MAFK: variants seen among roughly 807,000 people sequenced by gnomAD.
MAFK encodes the protein MAF bZIP transcription factor K.
A neutral mutation model predicts 9.2 loss-of-function variants in MAFK; 1 was observed. The ratio of observed to expected loss-of-function variants is 0.11; its 90% CI spans 0.04 to 0.52. The LOEUF (loss-of-function observed/expected upper bound fraction) is 0.52. Ranked by LOEUF, MAFK falls within the 20% of genes least tolerant of loss-of-function variation. The pLI, the probability that MAFK is intolerant of heterozygous loss-of-function variation, is 0.94. For missense variants in MAFK, 207 were observed against 236.0 expected (o/e 0.88, Z 0.81); for synonymous variants, 110 against 107.4 (o/e 1.02, Z -0.15).
chr7:1,533,871 C>T (rs765043367), intron 1 of MAFK, among the ~76,000 whole-genome samples: 6 of 151,986 alleles, frequency 3.9e-5, no homozygotes, highest in African/African-American at 1.4e-4. Context: ...CCAGGGCGGC[C>T]GGGGGAGAAC....
chr7:1,534,510 C>A lies in MAFK; in HGVS notation c.-45+3612C>A. The A allele has an allele frequency of 2.2e-6, 1 of 449,454 alleles. No homozygotes were observed. Among genetic ancestry groups the A allele is most frequent in the Non-Finnish European group, 4.5e-6 (1 of 221,834 alleles). The allele number at this position is 449,454 out of a possible 1,614,324, so 27.8% of individuals were successfully genotyped here. On this transcript the variant is annotated intron_variant, in intron 1 of 2. Coordinates refer to ENST00000343242, the MANE Select transcript of MAFK (RefSeq NM_002360.4). This position sits in a 1 kb window ranked among gnomAD's most constrained non-coding sequence, Gnocchi z 4.3. ...CGGGAGGGCGCTTGCTGCTGTGCTG[C>A]TGGGTTTCTGAACCCGTGTCTCTCG...
chr7:1,536,464 G>A (rs1036998664), intron 1 of MAFK, among the ~76,000 whole-genome samples: 19 of 152,304 alleles, frequency 1.2e-4, no homozygotes, highest in African/African-American at 3.8e-4. Flanking sequence ...CCCCAGGCAC[G>A]CTTTCCCCCT....
At chr7:1,538,963 A>G in intron 1 of MAFK, 186 bp from the exon 2 acceptor site, 1 of 574,586 alleles carries the variant, frequency 1.7e-6, no homozygotes. Context: ...AGGCCGGGCC[A>G]GGATGCCTCA....
In MAFK at chr7:1,539,096, G is replaced by A. The variant is rs946101510; in HGVS notation, c.-44-53G>A. 3.2e-5 allele frequency: 46 copies of A among 1,440,032 alleles called. 1 individual carries two copies. The highest frequency in any genetic ancestry group is 2.5e-4 in the Admixed American group (14 of 57,102). The allele number at this position is 1,440,032 out of a possible 1,614,324, so 89.2% of individuals were successfully genotyped here. On this transcript the variant is annotated intron_variant, in intron 1 of 2. Coordinates refer to ENST00000343242, the MANE Select transcript of MAFK (RefSeq NM_002360.4). Reference sequence around the variant, plus strand: ...TGCATGGGAGGTGGGCACCCTGTCCGGCGCTGCCGGCCCTGACCTGTGCTG... The same window carrying A: ...TGCATGGGAGGTGGGCACCCTGTCCAGCGCTGCCGGCCCTGACCTGTGCTG...
At chr7:1,531,061 CGGCCCGGGCACCTGCCCAGGTG>C (rs1783892650) in intron 1 of MAFK, among the ~76,000 whole-genome samples, 163 bp downstream of exon 1, 1 of 147,248 alleles carries the variant, frequency 6.8e-6, no homozygotes, top group Non-Finnish European at 1.5e-5. Context: ...GCCCGCGGCG[CGGCCCGGGCACCTGCCCAGGTG>C]GGCCCCGCCC....
rs1317051699 is a variant in MAFK, at chr7:1,534,463, G to A, written c.-45+3565G>A. The A allele has an allele frequency of 2.3e-5, 10 of 437,234 alleles. No individual in the cohort carries two copies. Among genetic ancestry groups the A allele is most frequent in the Middle Eastern group, 3.4e-4 (1 of 2,974 alleles). The allele number at this position is 437,234 out of a possible 1,614,324, so 27.1% of individuals were successfully genotyped here. A position where few individuals can be genotyped will look rare whatever the true frequency, so the allele number is the denominator to read the frequency against. ...TCTGGTTTTGTGGATTGCACCTGCCGTGGGAGTCACTGGTCGGGGGGCGGG... is the reference window on the plus strand; with the variant it reads ...TCTGGTTTTGTGGATTGCACCTGCCATGGGAGTCACTGGTCGGGGGGCGGG... On this transcript the variant is annotated intron_variant, in intron 1 of 2. Transcript: ENST00000343242. This position sits in a 1 kb window ranked among gnomAD's most constrained non-coding sequence, Gnocchi z 4.3.
intron 1 of MAFK, among the ~76,000 whole-genome samples, chr7:1,531,305 C>G (rs1284263129): frequency 6.6e-6 from 1 of 151,242 alleles, no homozygotes; most frequent in Non-Finnish European, 1.5e-5. Context: ...GCGGGGAGGG[C>G]GCGGGCGCGT....
chr7:1,534,405 C>G lies in MAFK; in HGVS notation c.-45+3507C>G, dbSNP rs1206310063. On this transcript the variant is annotated intron_variant, in intron 1 of 2. Transcript: ENST00000343242. The surrounding 1 kb of genome is among the most constrained non-coding windows in gnomAD (Gnocchi z 4.3). ...CGGCTTGGGGTCTCTGGCAGAAAGGCTCCTGGGAGAGGCGGGTACACCTTG... is the reference window on the plus strand; with the variant it reads ...CGGCTTGGGGTCTCTGGCAGAAAGGGTCCTGGGAGAGGCGGGTACACCTTG... 3 of 440,574 alleles carry G rather than the reference C, an allele frequency of 6.8e-6. No individual in the cohort carries two copies. In the East Asian group the frequency reaches 2.2e-4, roughly 32 times the overall value. The allele number at this position is 440,574 out of a possible 1,614,324, so 27.3% of individuals were successfully genotyped here.
chr7:1,539,353 A>AG lies in MAFK; in HGVS notation c.36+131dup, dbSNP rs893053520. On this transcript the variant is annotated intron_variant, in intron 2 of 2. Coordinates refer to ENST00000343242, the MANE Select transcript of MAFK (RefSeq NM_002360.4). The stretch of plus-strand genomic sequence containing the variant: ...TGGAGGCCTCCCTGTTGCCAGGAGG[A>AG]GGGGGGCTGCTGTGGCCGAGGGATG... 20 of 752,738 alleles carry AG rather than the reference A, an allele frequency of 2.7e-5. No homozygotes were observed. In the South Asian group the frequency reaches 3.3e-4, roughly 12 times the overall value. The allele number at this position is 752,738 out of a possible 1,614,324, so 46.6% of individuals were successfully genotyped here.
chr7:1,530,945 G>A (rs1783889374), intron 1 of MAFK, 47 bp downstream of exon 1: 1 of 145,206 alleles, frequency 6.9e-6, no homozygotes, highest in African/African-American at 2.5e-5. Flanking sequence ...CGGGGACGGG[G>A]ACCGGGGCGC....
Position 1,540,611 on chromosome 7 carries a change from C to T in MAFK, c.*236C>T, listed in dbSNP as rs570128063. ...ACACTCACGCCCGCCACCTGCTCCC[C>T]GCAGGATGTGTCTGTGTGTGGGAAT... is the stretch of plus-strand genomic sequence containing the variant. On this transcript the variant is annotated 3_prime_UTR_variant, in exon 3 of 3. Transcript: ENST00000343242. The T allele has an allele frequency of 6.0e-3, 3,192 of 532,660 alleles. 25 individuals are homozygous for T. The highest frequency in any genetic ancestry group is 0.022 in the Middle Eastern group (43 of 1,986). The allele number at this position is 532,660 out of a possible 1,614,324, so 33.0% of individuals were successfully genotyped here. A position where few individuals can be genotyped will look rare whatever the true frequency, so the allele number is the denominator to read the frequency against.
intron 1 of MAFK, among the ~76,000 whole-genome samples, 192 bp downstream of exon 1, chr7:1,531,090 G>T (rs1308854252): frequency 1.4e-5 from 2 of 148,078 alleles, no homozygotes; most frequent in African/African-American, 4.9e-5. Context: ...GGTGGGCCCC[G>T]CCCCGCAGGC....
At chr7:1,535,683 C>T (rs1248748785) in intron 1 of MAFK, among the ~76,000 whole-genome samples, 1 of 152,194 alleles carries the variant, frequency 6.6e-6, no homozygotes, top group African/African-American at 2.4e-5. Flanking sequence ...ACATGATCCT[C>T]CAGAAGCTGA....
chr7:1,538,196 C>T, intron 1 of MAFK: 1 of 886,306 alleles, frequency 1.1e-6, no homozygotes, highest in Non-Finnish European at 1.4e-6. Context: ...GCCGGGGATG[C>T]TTTGGCTGGG....
At chr7:1,538,389 G>C (rs941636160) in intron 1 of MAFK, 2 of 985,286 alleles carry the variant, frequency 2.0e-6, no homozygotes, top group Admixed American at 1.2e-4. Flanking sequence ...CCCTTGGGCC[G>C]CAGGGTCCTC....
intron 1 of MAFK, 141 bp from the exon 2 acceptor site, chr7:1,539,008 G>A (rs538684822): frequency 2.9e-5 from 20 of 685,314 alleles, no homozygotes; most frequent in African/African-American, 1.3e-4. Context: ...GGCTGGGCCC[G>A]GATGGTGCCC....
rs981893436 is a variant in MAFK at position 1,538,349 on chromosome 7, G to A, written c.-44-800G>A. 5.5e-5 allele frequency: 54 copies of A among 984,912 alleles called. No homozygotes were observed. In the African/African-American group the frequency reaches 8.5e-4, roughly 16 times the overall value. The allele number at this position is 984,912 out of a possible 1,614,324, so 61.0% of individuals were successfully genotyped here. On this transcript the variant is annotated intron_variant, in intron 1 of 2. Coordinates refer to ENST00000343242, the MANE Select transcript of MAFK (RefSeq NM_002360.4). ...TCCCTGGTCTCTGGCTGCGGCCCCC[G>A]GACCTGCCGCCCCTCAGGAACCCCA...
rs1034647763 is a variant in MAFK at position 1,542,421 on chromosome 7, G to C, written c.*2046G>C. 6.6e-6 allele frequency: 1 copy of C among 152,420 alleles called. No homozygotes were observed. The highest frequency in any genetic ancestry group is 1.5e-5 in the Non-Finnish European group (1 of 68,068). 9.4% of individuals were successfully genotyped at this position (152,420 alleles called of 1,614,324 possible). The stretch of plus-strand genomic sequence containing the variant: ...ATCTCCCCACGGACTGTACCAGGCA[G>C]CTGGGCCCCGCAGGACAGGCCGCAG... On this transcript the variant is annotated 3_prime_UTR_variant, in exon 3 of 3. Coordinates refer to ENST00000343242, the MANE Select transcript of MAFK (RefSeq NM_002360.4).
intron 1 of MAFK, chr7:1,538,380 C>G (rs534423307): frequency 3.0e-6 from 3 of 985,530 alleles, no homozygotes; most frequent in Admixed American, 6.1e-5. Flanking sequence ...CCCCACACCC[C>G]CTTGGGCCGC....
Sources: gnomAD v4.1 joint callset for allele counts (sites outside exome capture counted in the v4.1 genomes callset) on GRCh38, gnomAD v4.1.1 for gene constraint, Gnocchi (gnomAD v3.1) non-coding constraint, MANE v1.5 for transcripts, NCBI Gene and HGNC (gene_info 2026-07-23, HGNC 2026-07-21) for gene names.